ITGB1: variants seen among roughly 807,000 people sequenced by gnomAD.
The protein encoded by ITGB1 is integrin subunit beta 1.
In ITGB1, 24 loss-of-function variants were observed where a neutral mutation model predicts 86.5. That is an observed-to-expected ratio of 0.28 (90% CI 0.20 to 0.39). The LOEUF is 0.39. Among genes scored for constraint, ITGB1 ranks in the 10% least tolerant of loss-of-function variants. ITGB1 has a pLI of 1.00. For missense variants in ITGB1, 556 were observed against 946.9 expected (o/e 0.59, Z 5.42); for synonymous variants, 323 against 316.8 (o/e 1.02, Z -0.21).
intron 1 of ITGB1, among the ~76,000 whole-genome samples, chr10:32,953,416 T>C (rs546669072): frequency 6.6e-6 from 1 of 152,230 alleles, no homozygotes; most frequent in African/African-American, 2.4e-5. Flanking sequence ...AATGTACTGA[T>C]AGAATAAAAT....
chr10:32,947,968 A>G (rs1397685672), intron 1 of ITGB1, among the ~76,000 whole-genome samples: 4 of 152,182 alleles, frequency 2.6e-5, no homozygotes, highest in Non-Finnish European at 5.9e-5. Flanking sequence ...GAAGCGCTCA[A>G]TAACAACGTA....
intron 8 of ITGB1, 50 bp downstream of exon 8, chr10:32,922,590 T>C (rs746461355): frequency 8.3e-7 from 1 of 1,206,416 alleles, no homozygotes; most frequent in Admixed American, 1.9e-5. Context: ...GATTTGCCTC[T>C]AACAATCAAA....
At chr10:32,906,282 C>CA (rs2094896191) in intron 15 of ITGB1, among the ~76,000 whole-genome samples, 1 of 152,132 alleles carries the variant, frequency 6.6e-6, no homozygotes, top group African/African-American at 2.4e-5. Context: ...TTACTCATAA[C>CA]AAATTTGTTA....
intron 1 of ITGB1, among the ~76,000 whole-genome samples, chr10:32,950,640 C>G (rs1177969984): frequency 6.6e-6 from 1 of 152,100 alleles, no homozygotes; most frequent in African/African-American, 2.4e-5. Flanking sequence ...CTCTTCTCCT[C>G]TCCTTGACAA....
intron 1 of ITGB1, among the ~76,000 whole-genome samples, chr10:32,945,470 G>T (rs904456572): frequency 6.6e-6 from 1 of 151,894 alleles, no homozygotes; most frequent in Admixed American, 6.6e-5. Context: ...GTGGTGGCAG[G>T]CGCCTGTAGT....
At position 32,922,300 on chromosome 10, in the gene ITGB1, G is replaced by GCAGATAATGTTCCTA; in HGVS notation, c.1070_1084dup (p.Val357_Ser361dup). ...CAACTGAATTACATTGCTAGAATTT[G>GCAGATAATGTTCCTA]CAGATAATGTTCCTACTGCTGACTT... is the stretch of plus-strand genomic sequence containing the variant. On this transcript the variant is annotated inframe_insertion, in exon 9 of 16. Transcript: ENST00000302278. 1 of 1,609,080 alleles carries GCAGATAATGTTCCTA rather than the reference G, an allele frequency of 6.2e-7. No homozygotes were observed. Among genetic ancestry groups the GCAGATAATGTTCCTA allele is most frequent in the Non-Finnish European group, 8.5e-7 (1 of 1,177,746 alleles).
chr10:32,907,236 C>A, intron 15 of ITGB1: 1 of 392,864 alleles, frequency 2.5e-6, no homozygotes, highest in Non-Finnish European at 4.7e-6. Context: ...TTTTTTATTT[C>A]TACCCTTCTG....
chr10:32,903,351 C>CAAACAAAAAAAA (rs1555218828), intron 15 of ITGB1, among the ~76,000 whole-genome samples: 9 of 57,028 alleles, frequency 1.6e-4, no homozygotes, highest in African/African-American at 6.1e-4. Context: ...GACTCCATCT[C>CAAACAAAAAAAA]AAAAAAAAAA....
intron 9 of ITGB1, among the ~76,000 whole-genome samples, chr10:32,921,578 C>G (rs1593865744): frequency 6.6e-6 from 1 of 152,184 alleles, no homozygotes; most frequent in Non-Finnish European, 1.5e-5. Flanking sequence ...TACCAAATTA[C>G]AACCGCCTTC....
intron 1 of ITGB1, chr10:32,945,087 G>C: frequency 2.3e-6 from 1 of 435,094 alleles, no homozygotes; most frequent in South Asian, 2.5e-5. Flanking sequence ...CCTCCAGCAT[G>C]TATGAATTCT....
chr10:32,936,473 A>G (rs892173966), intron 1 of ITGB1, among the ~76,000 whole-genome samples: 7 of 152,084 alleles, frequency 4.6e-5, no homozygotes, highest in Non-Finnish European at 1.0e-4. Context: ...TATGCATGCA[A>G]TAAGTAAAAT....
chr10:32,940,180 C>T (rs1486368112), intron 1 of ITGB1, among the ~76,000 whole-genome samples: 1 of 151,626 alleles, frequency 6.6e-6, no homozygotes, highest in Non-Finnish European at 1.5e-5. Flanking sequence ...CCCGTCTCTA[C>T]AAAAAAATAC....
intron 1 of ITGB1, among the ~76,000 whole-genome samples, chr10:32,950,966 T>A (rs1452742280): frequency 6.6e-6 from 1 of 152,024 alleles, no homozygotes; most frequent in Non-Finnish European, 1.5e-5. Flanking sequence ...CACCACCCAA[T>A]CTACAAGTGC....
chr10:32,922,169 G>T, intron 9 of ITGB1, 88 bp downstream of exon 9: 1 of 788,952 alleles, frequency 1.3e-6, no homozygotes. Context: ...GCTCGCTAAA[G>T]TGTGTATGAA....
At position 32,912,111 on chromosome 10, in the gene ITGB1, G is replaced by A. The variant is rs1455572744; in HGVS notation, c.1483C>T (p.Arg495Cys). 6 of 1,611,468 alleles carry A rather than the reference G, an allele frequency of 3.7e-6. No homozygotes were observed. The highest frequency in any genetic ancestry group is 1.3e-5 in the African/African-American group (1 of 74,830). Residue 495 changes from arginine (R) to cysteine (C), a missense_variant, in exon 12 of 16, where the codon CGT becomes TGT. Arg to Cys is a radical substitution (Grantham distance 180). Transcript: ENST00000302278. Reference sequence around the variant, plus strand: ...CTGCATTCACAATGTCTACCAACACGCCCTTCATTGCACCTGAAGAAACAT... The same window carrying A: ...CTGCATTCACAATGTCTACCAACACACCCTTCATTGCACCTGAAGAAACAT... ...ECGACRCNEG[R>C]VGRHCECSTD...
intron 14 of ITGB1, among the ~76,000 whole-genome samples, chr10:32,909,152 CATGTGGT>C (rs1377685472): frequency 6.6e-6 from 1 of 152,116 alleles, no homozygotes; most frequent in Non-Finnish European, 1.5e-5. Context: ...GCTACAAGAC[CATGTGGT>C]ATAGCTAACA....
chr10:32,920,091 G>T lies in ITGB1; in HGVS notation c.1270-7C>A. ...TGCTAATTTCAAATTGAACCTTGAA[G>T]GGAAAAAAAAGATTAACAACCAACT... is the stretch of plus-strand genomic sequence containing the variant. On this transcript the variant is annotated splice_region_variant and splice_polypyrimidine_tract_variant and intron_variant, in intron 10 of 15. Transcript: ENST00000302278. 1.2e-6 allele frequency: 2 copies of T among 1,607,578 alleles called. No homozygotes were observed. The highest frequency in any genetic ancestry group is 2.2e-5 in the South Asian group (2 of 90,360).
chr10:32,934,569 G>A (rs1050040914), intron 2 of ITGB1, among the ~76,000 whole-genome samples: 4 of 152,152 alleles, frequency 2.6e-5, no homozygotes, highest in South Asian at 2.1e-4. Context: ...ATTTCCAACC[G>A]AAGTGCTTTA....
intron 1 of ITGB1, among the ~76,000 whole-genome samples, chr10:32,947,244 A>C (rs961863354): frequency 1.3e-5 from 2 of 152,118 alleles, no homozygotes; most frequent in Non-Finnish European, 2.9e-5. Context: ...GATTATCACT[A>C]GGTTATGAGG....
Sources: allele counts gnomAD v4.1 joint callset (sites outside exome capture counted in the v4.1 genomes callset), GRCh38; gene constraint gnomAD v4.1.1; transcripts MANE v1.5; gene names NCBI Gene and HGNC (gene_info 2026-07-23, HGNC 2026-07-21).